The following MNS1 variants were observed in gnomAD, a reference collection of about 807,000 sequenced individuals.
MNS1 encodes meiosis-specific nuclear structural protein 1.
In MNS1, 63 loss-of-function variants were observed where a neutral mutation model predicts 72.0. That is an observed-to-expected ratio of 0.87 (90% CI 0.71 to 1.08). The LOEUF is 1.08. Among genes scored for constraint, MNS1 ranks in the 50% least tolerant of loss-of-function variants. The probability of loss-of-function intolerance (pLI) is 0.00; values close to 1 mark genes in which losing one functional copy is unlikely to be tolerated. For synonymous variants in MNS1, 188 were observed against 172.1 expected (o/e 1.09, Z -0.72); for missense variants, 604 against 562.4 (o/e 1.07, Z -0.75).
chr15:56,447,390 G>C (rs2050913916), intron 3 of MNS1: 1 of 153,822 alleles, frequency 6.5e-6, no homozygotes, highest in South Asian at 2.0e-4. Flanking sequence ...AATTTGGAAA[G>C]TACTAATATC....
intron 8 of MNS1, 107 bp from the exon 9 acceptor site, chr15:56,431,605 T>G: frequency 9.6e-7 from 1 of 1,038,356 alleles, no homozygotes; most frequent in Non-Finnish European, 1.4e-6. Context: ...ATGAACTATT[T>G]ATGACACTAA....
chr15:56,438,275 C>T (rs1488629268), intron 7 of MNS1, among the ~76,000 whole-genome samples: 7 of 152,064 alleles, frequency 4.6e-5, no homozygotes, highest in Admixed American at 4.6e-4. Context: ...GAGATATAGA[C>T]CAATGGAACA....
chr15:56,456,778 C>T (rs2050984235), intron 2 of MNS1, among the ~76,000 whole-genome samples: 1 of 151,994 alleles, frequency 6.6e-6, no homozygotes, highest in Non-Finnish European at 1.5e-5. Flanking sequence ...CAAAAATTGT[C>T]GACATTCTGC....
At chr15:56,430,397 C>T (rs933723046) in intron 9 of MNS1, among the ~76,000 whole-genome samples, 1 of 151,962 alleles carries the variant, frequency 6.6e-6, no homozygotes, top group Non-Finnish European at 1.5e-5. Flanking sequence ...GTAGCAATGG[C>T]ATCTCCCCAT....
chr15:56,438,332 CT>C (rs1177317562), intron 7 of MNS1, among the ~76,000 whole-genome samples: 50 of 151,344 alleles, frequency 3.3e-4, no homozygotes, highest in African/African-American at 1.0e-3. Context: ...ACCATCTGCT[CT>C]TTTTTTTTGT....
chr15:56,429,464 G>A (rs1390369900), intron 9 of MNS1: 3 of 314,454 alleles, frequency 9.5e-6, no homozygotes, highest in Non-Finnish European at 1.7e-5. Context: ...AAGTTCTACT[G>A]CTTGGATTAC....
chr15:56,459,990 C>CAAAAAAAAA (rs150132300), intron 2 of MNS1, among the ~76,000 whole-genome samples: 251 of 11,106 alleles, frequency 0.023, 49 homozygotes, highest in Middle Eastern at 0.5. Flanking sequence ...AATTCTGTCT[C>CAAAAAAAAA]AAAAAAAAAA....
chr15:56,456,512 T>C lies in MNS1; in HGVS notation c.235A>G (p.Asn79Asp). The C allele has an allele frequency of 1.2e-6, 2 of 1,609,764 alleles. No individual in the cohort carries two copies. The highest frequency in any genetic ancestry group is 1.7e-6 in the Non-Finnish European group (2 of 1,178,946). ...MEEAIQKAEE[N>D]KRLKELQLKQ... ...AGCTGGAGTTCTTTCAATCTCTTGT[T>C]TTCTTCTGCCTGAACGAAAAATTTA... Residue 79 changes from asparagine (N) to aspartate (D), a missense_variant, in exon 3 of 10, where the codon AAC becomes GAC. Transcript: ENST00000260453.
At chr15:56,455,259 A>C (rs1458574145) in intron 3 of MNS1, among the ~76,000 whole-genome samples, 6 of 151,404 alleles carry the variant, frequency 4.0e-5, no homozygotes, top group East Asian at 1.9e-4. Flanking sequence ...AAAAAAAAAA[A>C]AAAAAAAAAA....
chr15:56,436,086 C>G (rs1365892778), intron 7 of MNS1, among the ~76,000 whole-genome samples: 9 of 152,120 alleles, frequency 5.9e-5, no homozygotes, highest in Admixed American at 5.9e-4. Flanking sequence ...GAATTGAACT[C>G]AGTTCTGCAC....
intron 2 of MNS1, among the ~76,000 whole-genome samples, chr15:56,461,350 T>C (rs2051019230): frequency 6.6e-6 from 1 of 151,822 alleles, no homozygotes; most frequent in South Asian, 2.1e-4. Flanking sequence ...TATCAAAGAT[T>C]AAGGAAATAT....
chr15:56,430,011 A>C (rs1389373486), intron 9 of MNS1: 1 of 152,170 alleles, frequency 6.6e-6, no homozygotes, highest in African/African-American at 2.4e-5. Flanking sequence ...ATCCTTTCTA[A>C]CCAATTAGAC....
At chr15:56,447,756 A>C (rs1351426424) in intron 3 of MNS1, 1 of 152,150 alleles carries the variant, frequency 6.6e-6, no homozygotes, top group East Asian at 1.9e-4. Flanking sequence ...CACAATCAAG[A>C]TCATGAACAC....
chr15:56,463,556 G>T (rs1293324114), intron 2 of MNS1, among the ~76,000 whole-genome samples: 1 of 152,098 alleles, frequency 6.6e-6, no homozygotes, highest in Non-Finnish European at 1.5e-5. Flanking sequence ...GGCCGAGGCG[G>T]GCGGATCACG....
At chr15:56,442,384 C>T (rs1393202645) in intron 7 of MNS1, among the ~76,000 whole-genome samples, 3 of 152,100 alleles carry the variant, frequency 2.0e-5, no homozygotes, top group Admixed American at 6.5e-5. Flanking sequence ...AATGGGATTG[C>T]TGGGTATATA....
intron 7 of MNS1, 128 bp downstream of exon 7, chr15:56,443,302 G>A (rs1169042194): frequency 3.1e-6 from 2 of 639,706 alleles, no homozygotes; most frequent in African/African-American, 3.8e-5. Context: ...TCTTTTAACT[G>A]TAGTATACCA....
intron 2 of MNS1, among the ~76,000 whole-genome samples, chr15:56,461,975 GTTTTTTTTTTT>G (rs56022687): frequency 6.1e-5 from 6 of 97,916 alleles, no homozygotes; most frequent in South Asian, 2.9e-4. Flanking sequence ...TTTTGTTGTT[GTTTTTTTTTTT>G]TTTTTTTTTT....
intron 3 of MNS1, among the ~76,000 whole-genome samples, chr15:56,454,119 G>C (rs925309912): frequency 6.6e-6 from 1 of 152,014 alleles, no homozygotes; most frequent in Non-Finnish European, 1.5e-5. Context: ...GTACTCAACT[G>C]AATGACTTTT....
Position 56,451,624 on chromosome 15 carries a change from T to C in MNS1, c.354-4681A>G, listed in dbSNP as rs150748392. Among the ~76,000 whole-genome samples, 454 of 152,210 alleles carry C rather than the reference T, an allele frequency of 3.0e-3. 3 individuals are homozygous for C. Among genetic ancestry groups the C allele is most frequent in the African/African-American group, 0.01 (426 of 41,474 alleles). ...TTCATTATTATTCAGTTAAAAATACTTTCTAATTTCAATTTTGATTATAGA... is the reference window on the plus strand; with the variant it reads ...TTCATTATTATTCAGTTAAAAATACCTTCTAATTTCAATTTTGATTATAGA... On this transcript the variant is annotated intron_variant, in intron 3 of 9. Coordinates refer to ENST00000260453, the MANE Select transcript of MNS1 (RefSeq NM_018365.4).
Sources: allele counts gnomAD v4.1 joint callset (sites outside exome capture counted in the v4.1 genomes callset), GRCh38; gene constraint gnomAD v4.1.1; transcripts MANE v1.5; gene names NCBI Gene and HGNC (gene_info 2026-07-23, HGNC 2026-07-21).